Variants in MYH10 observed in about 807,000 individuals in gnomAD.
The protein encoded by MYH10 is myosin heavy chain 10, also known as myosin-10.
Under a neutral mutation model 257.8 loss-of-function variants are expected in MYH10, and 55 were observed. The observed-to-expected ratio is 0.21, with a 90% CI of 0.17 to 0.27. The LOEUF (loss-of-function observed/expected upper bound fraction) is 0.27. Among genes scored for constraint, MYH10 ranks in the 10% least tolerant of loss-of-function variants. The probability of loss-of-function intolerance (pLI) is 1.00; values close to 1 mark genes in which losing one functional copy is unlikely to be tolerated. For missense variants in MYH10, 1,631 were observed against 2,500.6 expected (o/e 0.65, Z 7.42); for synonymous variants, 854 against 921.7 (o/e 0.93, Z 1.33).
chr17:8,617,160 T>C (rs2085293139), intron 2 of MYH10, among the ~76,000 whole-genome samples: 1 of 152,094 alleles, frequency 6.6e-6, no homozygotes, highest in Non-Finnish European at 1.5e-5. Flanking sequence ...TCAAATTCCC[T>C]TCCCCTCTGG....
In MYH10 at chr17:8,585,744, T is replaced by C. The variant is rs77369617; in HGVS notation, c.530+3337A>G. 6.9e-3 allele frequency among the ~76,000 whole-genome samples: 1,052 copies of C among 152,254 alleles called. 18 individuals are homozygous for C. The highest frequency in any genetic ancestry group is 0.062 in the East Asian group (320 of 5,184). Reference sequence around the variant, plus strand: ...GGAACTTTCTGGGGTGATGGTATTATTGTCTACATCTGGATAACGGTTTGG... The same window carrying C: ...GGAACTTTCTGGGGTGATGGTATTACTGTCTACATCTGGATAACGGTTTGG... On this transcript the variant is annotated intron_variant, in intron 4 of 42. Coordinates refer to ENST00000360416, the MANE Select transcript of MYH10 (RefSeq NM_001256012.3).
chr17:8,610,430 C>CAA (rs201237812), intron 2 of MYH10, among the ~76,000 whole-genome samples: 3 of 139,460 alleles, frequency 2.2e-5, no homozygotes, highest in African/African-American at 8.0e-5. Flanking sequence ...TCTCCAGAAG[C>CAA]AAAAAAAAAT....
intron 14 of MYH10, among the ~76,000 whole-genome samples, chr17:8,537,199 T>G (rs1238485386): frequency 3.3e-5 from 5 of 152,230 alleles, no homozygotes; most frequent in Middle Eastern, 6.8e-3. Flanking sequence ...GGCAAGTGTG[T>G]GATACAAAAC....
chr17:8,599,622 G>A lies in MYH10; in HGVS notation c.502+5204C>T, dbSNP rs1180025212. Among the ~76,000 whole-genome samples the A allele has an allele frequency of 3.3e-5, 5 of 152,266 alleles. No homozygotes were observed. In the East Asian group the frequency reaches 9.7e-4, roughly 29 times the overall value. ...AGCAACCATATCTGCCTACCCATCT[G>A]CAACACTGTTTTGAAAAATCTGGCT... On this transcript the variant is annotated intron_variant, in intron 3 of 42. Transcript: ENST00000360416.
Position 8,569,393 on chromosome 17 carries a change from T to C in MYH10, c.756+327A>G, listed in dbSNP as rs189757925. On this transcript the variant is annotated intron_variant, in intron 7 of 42. Transcript: ENST00000360416. This position sits in a 1 kb window ranked among gnomAD's most constrained non-coding sequence, Gnocchi z 4.1. ...CTCAGCGTGCACACCATTTATTCTC[T>C]ACTCCGATTCCACTGACAGGTGTTA... 8.3e-4 allele frequency among the ~76,000 whole-genome samples: 127 copies of C among 152,280 alleles called. 4 individuals carry two copies. Among genetic ancestry groups the C allele is most frequent in the Admixed American group, 8.2e-3 (125 of 15,306 alleles).
At chr17:8,620,288 A>G (rs578176406) in intron 2 of MYH10, among the ~76,000 whole-genome samples, 14 of 152,344 alleles carry the variant, frequency 9.2e-5, no homozygotes, top group African/African-American at 2.4e-4. Flanking sequence ...AACATTTTGA[A>G]ATTTTACAAA....
At chr17:8,586,749 C>T (rs937814666) in intron 4 of MYH10, among the ~76,000 whole-genome samples, 6 of 152,162 alleles carry the variant, frequency 3.9e-5, no homozygotes, top group Admixed American at 1.3e-4. Flanking sequence ...TAAGTACTCA[C>T]GAACTTTTGT....
intron 1 of MYH10, 44 bp from the exon 2 acceptor site, chr17:8,623,321 A>G (rs2085539174): frequency 1.4e-5 from 21 of 1,482,786 alleles, no homozygotes; most frequent in Non-Finnish European, 1.9e-5. Context: ...TTAAGAAACA[A>G]AAGAATGTAC....
intron 36 of MYH10, 60 bp from the exon 37 acceptor site, chr17:8,484,326 AT>A: frequency 2.6e-6 from 4 of 1,537,202 alleles, no homozygotes; most frequent in Admixed American, 2.1e-5. Flanking sequence ...TTAAAATAAA[AT>A]TTTTTTAGAG....
At position 8,604,868 on chromosome 17, in the gene MYH10, T is replaced by C. The variant is rs1488056541; in HGVS notation, c.460A>G (p.Ile154Val). The change falls in exon 3 of 43, where the codon ATC (isoleucine) becomes GTC (valine). Residue 154 changes from isoleucine to valine, a missense_variant. Physicochemically the swap from Ile to Val is conservative, Grantham distance 29 (BLOSUM62 3). This residue lies in a region of MYH10 where 360 missense variants were observed against 581.9 expected (regional missense o/e 0.62). Coordinates refer to ENST00000360416, the MANE Select transcript of MYH10 (RefSeq NM_001256012.3). ...GKKRHEMPPH[I>V]YAISESAYRC... ...TAAGCAGATTCAGATATAGCATAGA[T>C]GTGTGGAGGCATCTCATGACGCTTC... The C allele has an allele frequency of 2.5e-6, 4 of 1,606,062 alleles. No homozygotes were observed. The highest frequency in any genetic ancestry group is 3.4e-5 in the Admixed American group (2 of 59,154).
At chr17:8,482,384 C>G (rs537053998) in intron 37 of MYH10, among the ~76,000 whole-genome samples, 2 of 152,214 alleles carry the variant, frequency 1.3e-5, no homozygotes, top group Non-Finnish European at 2.9e-5. Flanking sequence ...GGTCCTCTGA[C>G]AGGCCTGGGT....
chr17:8,518,974 T>C, intron 19 of MYH10, 24 bp from the exon 20 acceptor site: 2 of 1,554,360 alleles, frequency 1.3e-6, no homozygotes, highest in Non-Finnish European at 1.8e-6. Flanking sequence ...TTCCAAGAAG[T>C]ATTTTGTAGA....
intron 23 of MYH10, 143 bp from the exon 24 acceptor site, chr17:8,512,800 G>T: frequency 2.9e-6 from 2 of 680,294 alleles, no homozygotes; most frequent in South Asian, 2.4e-5. Context: ...TTTCAAATAC[G>T]TTTTTGTCTA....
intron 2 of MYH10, among the ~76,000 whole-genome samples, chr17:8,609,608 G>A (rs1225898958): frequency 6.6e-6 from 1 of 151,984 alleles, no homozygotes; most frequent in Non-Finnish European, 1.5e-5. Context: ...AAAAAAAATA[G>A]GTGACCAGGG....
chr17:8,549,699 GCTCTCC>G (rs551808380), intron 9 of MYH10, among the ~76,000 whole-genome samples: 114 of 152,060 alleles, frequency 7.5e-4, no homozygotes, highest in East Asian at 2.5e-3. Context: ...GAATTTACTC[GCTCTCC>G]CTCTCCCTCT....
At chr17:8,542,027 A>C (rs1438614150) in intron 14 of MYH10, 80 bp downstream of exon 14, 1 of 1,362,566 alleles carries the variant, frequency 7.3e-7, no homozygotes, top group Admixed American at 2.2e-5. Context: ...CAGACTGGGT[A>C]ATTTCTGTCT....
At chr17:8,542,393 A>G (rs2082313160) in intron 13 of MYH10, 113 bp from the exon 14 acceptor site, 1 of 879,896 alleles carries the variant, frequency 1.1e-6, no homozygotes, top group African/African-American at 1.7e-5. Context: ...ATTAGGTAGG[A>G]AGTACATGAT....
intron 30 of MYH10, among the ~76,000 whole-genome samples, chr17:8,497,535 C>T (rs978745778): frequency 2.0e-5 from 3 of 151,892 alleles, no homozygotes; most frequent in South Asian, 4.2e-4. Flanking sequence ...GTCAGGAGAT[C>T]GAGACCATCC....
rs190839253 is a variant in MYH10, at chr17:8,475,716, G to A, written c.*88C>T. 2.0e-4 allele frequency: 290 copies of A among 1,470,526 alleles called. 2 individuals are homozygous for A. The African/African-American group carries it at 3.5e-3, about 18-fold the overall frequency. 91.1% of individuals were successfully genotyped at this position (1,470,526 alleles called of 1,614,324 possible). On this transcript the variant is annotated 3_prime_UTR_variant, in exon 43 of 43. Transcript: ENST00000360416. ...AGTTGATCTTTCAGGAAGGAATCCC[G>A]TAGCTTGCCAATTTCCGAAATCTGC...
Sources: gnomAD v4.1 joint callset for allele counts (sites outside exome capture counted in the v4.1 genomes callset) on GRCh38, gnomAD v4.1.1 for gene constraint, gnomAD v4.1.1 regional missense constraint, Gnocchi (gnomAD v3.1) non-coding constraint, MANE v1.5 for transcripts, NCBI Gene and HGNC (gene_info 2026-07-23, HGNC 2026-07-21) for gene names.